Variants in VWA2 observed in about 807,000 individuals in gnomAD.
VWA2 encodes the protein von Willebrand factor A domain-containing protein 2.
In VWA2, 73 loss-of-function variants were observed where a neutral mutation model predicts 70.4. The ratio of observed to expected loss-of-function variants is 1.04; its 90% CI spans 0.86 to 1.26. The LOEUF (loss-of-function observed/expected upper bound fraction) is 1.26, where lower values mean the gene tolerates loss of function less well. VWA2 is among the 50% of genes most tolerant of loss of function. The probability of loss-of-function intolerance (pLI) is 0.00; values close to 1 mark genes in which losing one functional copy is unlikely to be tolerated. For missense variants in VWA2, 1,011 were observed against 998.5 expected (o/e 1.01, Z -0.17); for synonymous variants, 407 against 423.3 (o/e 0.96, Z 0.47).
intron 1 of VWA2, among the ~76,000 whole-genome samples, chr10:114,247,100 C>T (rs758432411): frequency 6.6e-6 from 1 of 152,008 alleles, no homozygotes; most frequent in Non-Finnish European, 1.5e-5. Context: ...GTGCAATAAC[C>T]TTCCCAGTAC....
At chr10:114,286,584 CCAT>C (rs2038934891) in intron 11 of VWA2, 73 bp downstream of exon 11, 2 of 1,327,100 alleles carry the variant, frequency 1.5e-6, no homozygotes, top group Non-Finnish European at 1.0e-6. Context: ...CACCACCTAA[CCAT>C]CATTTTCTGC....
intron 1 of VWA2, among the ~76,000 whole-genome samples, chr10:114,247,420 C>T (rs2037095098): frequency 6.6e-6 from 1 of 152,020 alleles, no homozygotes; most frequent in Non-Finnish European, 1.5e-5. Flanking sequence ...GCCTCAGCCT[C>T]CTGAGTAGCT....
intron 5 of VWA2, among the ~76,000 whole-genome samples, chr10:114,267,894 G>C (rs992781982): frequency 2.0e-5 from 3 of 152,054 alleles, no homozygotes; most frequent in African/African-American, 7.3e-5. Flanking sequence ...CAGGGAATAG[G>C]ACCTGAAAAT....
At chr10:114,269,784 G>A (rs751701667) in intron 5 of VWA2, among the ~76,000 whole-genome samples, 11 of 152,264 alleles carry the variant, frequency 7.2e-5, no homozygotes, top group South Asian at 2.1e-4. Flanking sequence ...GGACCACAAG[G>A]GAGGGGAGGC....
At chr10:114,281,438 C>T (rs1370278553) in intron 8 of VWA2, among the ~76,000 whole-genome samples, 1 of 152,178 alleles carries the variant, frequency 6.6e-6, no homozygotes, top group African/African-American at 2.4e-5. Flanking sequence ...AATTATGTGA[C>T]CTCAGGGGCC....
rs1410113225 is a variant in VWA2 at position 114,277,961 on chromosome 10, T to A, written c.614T>A (p.Val205Glu). Residue 205 changes from valine to glutamate, a missense_variant, in exon 7 of 14, where the codon GTG becomes GAG. Physicochemically the swap from Val to Glu is moderately radical, Grantham distance 121. Coordinates refer to ENST00000392982, the MANE Select transcript of VWA2 (RefSeq NM_001272046.2). ...GCCAGCGAGCCTAGAGGGCAGCACG[T>A]GCTGTTGGCTGAGCAGGTGGAGGAT... ...ALASEPRGQH[V>E]LLAEQVEDAT... 5 of 1,612,806 alleles carry A rather than the reference T, an allele frequency of 3.1e-6. No homozygotes were observed. In the African/African-American group the frequency reaches 5.3e-5, roughly 17 times the overall value.
At chr10:114,246,721 T>A in intron 1 of VWA2, 4 of 1,531,090 alleles carry the variant, frequency 2.6e-6, no homozygotes, top group Non-Finnish European at 3.6e-6. Context: ...GTCTTAGGAA[T>A]CGTGCAGGGG....
intron 5 of VWA2, among the ~76,000 whole-genome samples, chr10:114,264,656 T>C (rs868610002): frequency 6.6e-5 from 10 of 152,260 alleles, no homozygotes; most frequent in Middle Eastern, 3.4e-3. Context: ...CCTGACCTCG[T>C]GATCTGCCTG....
intron 6 of VWA2, among the ~76,000 whole-genome samples, chr10:114,275,468 T>C (rs1433705731): frequency 6.6e-6 from 1 of 152,246 alleles, no homozygotes; most frequent in African/African-American, 2.4e-5. Flanking sequence ...GCCAAAGATT[T>C]GTCCATGAGG....
At chr10:114,253,034 TA>T (rs1365812944) in intron 2 of VWA2, among the ~76,000 whole-genome samples, 1 of 151,350 alleles carries the variant, frequency 6.6e-6, no homozygotes, top group Non-Finnish European at 1.5e-5. Context: ...CTTCTGCTGC[TA>T]GACACCTACC....
At chr10:114,257,019 A>G (rs2037346017) in intron 4 of VWA2, among the ~76,000 whole-genome samples, 1 of 152,156 alleles carries the variant, frequency 6.6e-6, no homozygotes, top group Non-Finnish European at 1.5e-5. Flanking sequence ...TGGTTTTCCA[A>G]GATAACATTC....
intron 2 of VWA2, 118 bp from the exon 3 acceptor site, chr10:114,253,533 C>T (rs1196356736): frequency 1.2e-6 from 1 of 834,858 alleles, no homozygotes; most frequent in African/African-American, 1.7e-5. Flanking sequence ...AGAATCATCA[C>T]TCCCCCACAT....
chr10:114,287,799 T>C lies in VWA2; in HGVS notation c.1571-1139T>C, dbSNP rs149783707. 1.0e-3 allele frequency among the ~76,000 whole-genome samples: 160 copies of C among 152,388 alleles called. 2 individuals are homozygous for C. Among genetic ancestry groups the C allele is most frequent in the African/African-American group, 3.6e-3 (150 of 41,592 alleles). On this transcript the variant is annotated intron_variant, in intron 11 of 13. Transcript: ENST00000392982. ...CCCTCCTATTAACACCTTGCATTAG[T>C]ATGGCACAGTGTTATCATTAATGAA...
intron 4 of VWA2, among the ~76,000 whole-genome samples, chr10:114,256,424 G>A (rs2037329034): frequency 6.6e-6 from 1 of 152,092 alleles, no homozygotes; most frequent in African/African-American, 2.4e-5. Flanking sequence ...TTGTTTTCTT[G>A]TATCGGTATA....
At position 114,292,291 on chromosome 10, in the gene VWA2, T is replaced by C. The variant is rs902251658; in HGVS notation, c.*1054T>C. On this transcript the variant is annotated 3_prime_UTR_variant, in exon 14 of 14. Coordinates refer to ENST00000392982, the MANE Select transcript of VWA2 (RefSeq NM_001272046.2). ...AAAATCTGTCTCAAAAAGAAAAAAA[T>C]GTACTTAGGAGGGGTTAATTGTGGC... Among the ~76,000 whole-genome samples, 2 of 151,410 alleles carry C rather than the reference T, an allele frequency of 1.3e-5. No homozygotes were observed. Among genetic ancestry groups the C allele is most frequent in the Non-Finnish European group, 2.9e-5 (2 of 67,832 alleles).
chr10:114,274,411 C>T (rs905360554), intron 6 of VWA2, among the ~76,000 whole-genome samples: 2 of 152,158 alleles, frequency 1.3e-5, no homozygotes, highest in African/African-American at 4.8e-5. Context: ...TTTGGCATGG[C>T]TCACAAAAGA....
At chr10:114,281,917 A>G (rs150275544) in intron 8 of VWA2, 3,040 of 180,912 alleles carry the variant, frequency 0.017, 38 homozygotes, top group Middle Eastern at 0.052. Context: ...ACTGCATCGT[A>G]AGCCTCAGAA....
intron 5 of VWA2, among the ~76,000 whole-genome samples, chr10:114,265,836 A>T (rs1228027041): frequency 6.6e-6 from 1 of 152,202 alleles, no homozygotes; most frequent in African/African-American, 2.4e-5. Flanking sequence ...AGTGACAACA[A>T]ACAAGGAAAG....
rs1230418173 is a variant in VWA2, at chr10:114,290,373, G to A, written c.2248+8G>A. On this transcript the variant is annotated splice_region_variant and intron_variant, in intron 13 of 13. Coordinates refer to ENST00000392982, the MANE Select transcript of VWA2 (RefSeq NM_001272046.2). ...GCCCCCACTGCGAGAACCGTGAGTG[G>A]AGCTCTTGCTCTGTATGTGTGAGCC... 12 of 1,550,310 alleles carry A rather than the reference G, an allele frequency of 7.7e-6. No homozygotes were observed. In the Admixed American group the frequency reaches 2.2e-4, roughly 28 times the overall value.
Sources: gnomAD v4.1 joint callset for allele counts (sites outside exome capture counted in the v4.1 genomes callset) on GRCh38, gnomAD v4.1.1 for gene constraint, MANE v1.5 for transcripts, NCBI Gene and HGNC (gene_info 2026-07-23, HGNC 2026-07-21) for gene names.